Variants in FBXL2 observed in about 807,000 individuals in gnomAD.
FBXL2 encodes F-box and leucine rich repeat protein 2.
A neutral mutation model predicts 69.2 loss-of-function variants in FBXL2; 38 were observed. That is an observed-to-expected ratio of 0.55 (90% CI 0.42 to 0.72). FBXL2 has a LOEUF of 0.72. FBXL2 is among the 30% of genes least tolerant of loss of function. FBXL2 has a pLI of 0.00. For missense variants in FBXL2, 354 were observed against 520.3 expected, an observed-to-expected ratio of 0.68 and a Z score of 3.11; for synonymous variants, 192 against 201.3, an observed-to-expected ratio of 0.95 and a Z score of 0.39.
At chr3:33,315,082 AG>A (rs1437747370) in intron 2 of FBXL2, among the ~76,000 whole-genome samples, 1 of 152,194 alleles carries the variant, frequency 6.6e-6, no homozygotes, top group Non-Finnish European at 1.5e-5. Context: ...GAAATTAAAA[AG>A]ATGTGTGCTC....
intron 2 of FBXL2, among the ~76,000 whole-genome samples, chr3:33,339,236 C>G (rs1013102085): frequency 3.3e-5 from 5 of 152,150 alleles, no homozygotes; most frequent in African/African-American, 1.2e-4. Context: ...GAGATACCAT[C>G]TCACACCAGT....
chr3:33,369,393 T>A (rs1222712418), intron 5 of FBXL2, among the ~76,000 whole-genome samples: 6 of 152,118 alleles, frequency 3.9e-5, no homozygotes, highest in Admixed American at 3.9e-4. Flanking sequence ...TATTCTTTTT[T>A]AGCTTCATTT....
At chr3:33,388,404 A>T (rs2043602325), downstream of FBXL2, 1 of 152,646 alleles carries the variant, frequency 6.6e-6, no homozygotes, top group Non-Finnish European at 1.5e-5. Flanking sequence ...AAAACAAAGT[A>T]ACAAATTTGC....
At chr3:33,404,118 A>G (rs2154056589), downstream of FBXL2, among the ~76,000 whole-genome samples, 1 of 152,248 alleles carries the variant, frequency 6.6e-6, no homozygotes, top group African/African-American at 2.4e-5. Flanking sequence ...AAACAATAAA[A>G]TAAATATAAT....
intron 2 of FBXL2, among the ~76,000 whole-genome samples, chr3:33,306,919 A>G (rs1366997006): frequency 6.6e-6 from 1 of 152,096 alleles, no homozygotes; most frequent in Non-Finnish European, 1.5e-5. Flanking sequence ...TTAGTGGAAT[A>G]CTTTTATAAA....
intron 12 of FBXL2, chr3:33,397,931 A>G (rs2044071243): frequency 6.6e-6 from 1 of 152,230 alleles, no homozygotes; most frequent in African/African-American, 2.4e-5. Context: ...GTACATACAC[A>G]CCATGAACTA....
intron 2 of FBXL2, among the ~76,000 whole-genome samples, chr3:33,299,310 G>T (rs1373320964): frequency 1.3e-5 from 2 of 152,066 alleles, no homozygotes; most frequent in African/African-American, 4.8e-5. Context: ...CCAAAGTGTT[G>T]GGATTACAGG....
At chr3:33,279,031 T>C (rs1471522223) in intron 1 of FBXL2, among the ~76,000 whole-genome samples, 1 of 152,242 alleles carries the variant, frequency 6.6e-6, no homozygotes, top group African/African-American at 2.4e-5. Flanking sequence ...CCTCATTCAC[T>C]ATTGTGAATT....
In FBXL2 at chr3:33,386,221, C is replaced by T. The variant is rs2043419524; in HGVS notation, c.*613C>T. On this transcript the variant is annotated 3_prime_UTR_variant, in exon 15 of 15. Coordinates refer to ENST00000484457, the MANE Select transcript of FBXL2 (RefSeq NM_012157.5). ...TCTATACTGGGTGGAGCAGGGTCTT[C>T]ACCTTTTTGTTTCTGTCAACTTGTC... 1 of 154,336 alleles carries T rather than the reference C, an allele frequency of 6.5e-6. No individual in the cohort carries two copies. The highest frequency in any genetic ancestry group is 2.0e-4 in the South Asian group (1 of 4,960). 9.6% of individuals were successfully genotyped at this position (154,336 alleles called of 1,614,324 possible). A position where few individuals can be genotyped will look rare whatever the true frequency, so the allele number is the denominator to read the frequency against.
At chr3:33,318,367 T>G (rs924156624) in intron 2 of FBXL2, among the ~76,000 whole-genome samples, 8 of 152,200 alleles carry the variant, frequency 5.3e-5, no homozygotes, top group Non-Finnish European at 8.8e-5. Flanking sequence ...CTCTTCCCTT[T>G]TATTTCTGCT....
intron 9 of FBXL2, among the ~76,000 whole-genome samples, chr3:33,374,956 T>C (rs1056102155): frequency 1.3e-5 from 2 of 152,200 alleles, no homozygotes; most frequent in Non-Finnish European, 2.9e-5. Flanking sequence ...TTTTAAATTA[T>C]GAGTTTATAA....
the FBXL2 span, chr3:33,409,476 T>C: frequency 2.5e-6 from 4 of 1,614,218 alleles, no homozygotes; most frequent in Non-Finnish European, 3.4e-6. Flanking sequence ...GGCAGCTAGC[T>C]GAGTGTAGAT....
intron 5 of FBXL2, 175 bp from the exon 6 acceptor site, chr3:33,372,917 C>T: frequency 3.1e-6 from 2 of 646,446 alleles, no homozygotes; most frequent in Non-Finnish European, 5.6e-6. Flanking sequence ...TGCAGACTGT[C>T]GAGCCCCATT....
intron 14 of FBXL2, 125 bp from the exon 15 acceptor site, chr3:33,385,376 G>A (rs2043358689): frequency 1.2e-6 from 1 of 864,062 alleles, no homozygotes; most frequent in Non-Finnish European, 2.0e-6. Flanking sequence ...CTAATCTATA[G>A]CATAAATTCT....
chr3:33,297,849 T>G, intron 2 of FBXL2, 124 bp downstream of exon 2: 1 of 694,906 alleles, frequency 1.4e-6, no homozygotes, highest in Non-Finnish European at 2.6e-6. Context: ...CCTAACTGAC[T>G]TTTTGTTTTT....
chr3:33,277,282 G>C (rs2033363775), upstream of FBXL2: 1 of 395,710 alleles, frequency 2.5e-6, no homozygotes, highest in Non-Finnish European at 4.4e-6. Flanking sequence ...TGAGAGGATG[G>C]ACCAGATACG....
At chr3:33,289,312 A>C (rs1389390144) in intron 1 of FBXL2, among the ~76,000 whole-genome samples, 5 of 152,118 alleles carry the variant, frequency 3.3e-5, no homozygotes, top group Admixed American at 1.3e-4. Flanking sequence ...CAAGTCATTT[A>C]TTTTCTCCAA....
the FBXL2 span, among the ~76,000 whole-genome samples, chr3:33,409,871 T>C: frequency 4.6e-5 from 7 of 152,138 alleles, no homozygotes; most frequent in African/African-American, 1.7e-4. Flanking sequence ...CAATCAGGGG[T>C]ACAACACTAC....
intron 13 of FBXL2, chr3:33,383,302 T>G (rs983892298): frequency 6.6e-6 from 1 of 152,556 alleles, no homozygotes; most frequent in Non-Finnish European, 1.5e-5. Flanking sequence ...GGGTGAATCT[T>G]ACATTTGATA....
Sources: gnomAD v4.1 joint callset for allele counts (sites outside exome capture counted in the v4.1 genomes callset) on GRCh38, gnomAD v4.1.1 for gene constraint, MANE v1.5 for transcripts, NCBI Gene and HGNC (gene_info 2026-07-23, HGNC 2026-07-21) for gene names.